PCDHA1: variants seen among roughly 807,000 people sequenced by gnomAD.
PCDHA1 encodes the protein protocadherin alpha-1.
A neutral mutation model predicts 61.3 loss-of-function variants in PCDHA1; 42 were observed. The ratio of observed to expected loss-of-function variants is 0.69; its 90% CI spans 0.54 to 0.89. The LOEUF is 0.89. Among genes scored for constraint, PCDHA1 ranks in the 40% least tolerant of loss-of-function variants. The pLI is 0.00. For missense variants in PCDHA1, 1,256 were observed against 1,235.3 expected (o/e 1.02, Z -0.25); for synonymous variants, 610 against 553.8 (o/e 1.10, Z -1.43).
chr5:140,968,077 C>A lies in PCDHA1; in HGVS notation c.2395-10872C>A, dbSNP rs1274008262. 2.5e-6 allele frequency: 4 copies of A among 1,614,020 alleles called. No homozygotes were observed. In the African/African-American group the frequency reaches 4.0e-5, roughly 16 times the overall value. On this transcript the variant is annotated intron_variant, in intron 1 of 3. Coordinates refer to ENST00000504120, the MANE Select transcript of PCDHA1 (RefSeq NM_018900.4). ...GAGAGCGGGTGGCTGTCTACAACAT[C>A]ACGGTGACAGCCACAGATGGGGGAA...
intron 1 of PCDHA1, chr5:140,795,806 T>C (rs1761997096): frequency 6.2e-7 from 1 of 1,613,768 alleles, no homozygotes; most frequent in South Asian, 1.1e-5. Context: ...GTGTATTCAC[T>C]CGGTAGTGAT....
At chr5:140,918,129 T>C (rs1299993749) in intron 1 of PCDHA1, among the ~76,000 whole-genome samples, 2 of 152,198 alleles carry the variant, frequency 1.3e-5, no homozygotes, top group African/African-American at 2.4e-5. Flanking sequence ...GCCATATTCC[T>C]AGGTATTTTC....
chr5:140,817,516 T>C (rs1343566593), intron 1 of PCDHA1: 2 of 152,260 alleles, frequency 1.3e-5, no homozygotes, highest in Admixed American at 6.5e-5. Context: ...AATTATTTTA[T>C]TGATTTCCTC....
chr5:140,830,545 C>T (rs2150187655), intron 1 of PCDHA1: 5 of 1,153,740 alleles, frequency 4.3e-6, no homozygotes, highest in Non-Finnish European at 5.9e-6. Flanking sequence ...TTGTTTTCCT[C>T]ATATTTGTCT....
intron 1 of PCDHA1, among the ~76,000 whole-genome samples, chr5:140,965,342 G>T (rs2095891598): frequency 6.6e-6 from 1 of 152,130 alleles, no homozygotes; most frequent in South Asian, 2.1e-4. Context: ...TTGTCTCTGT[G>T]TTGCCTCTAT....
intron 1 of PCDHA1, among the ~76,000 whole-genome samples, chr5:140,972,550 A>G (rs534377572): frequency 6.6e-6 from 1 of 152,114 alleles, no homozygotes; most frequent in Admixed American, 6.5e-5. Context: ...TGCAGTGAGG[A>G]TTCTGAAGTA....
At chr5:140,993,460 T>TCCCACA (rs1554253699) in intron 3 of PCDHA1, among the ~76,000 whole-genome samples, 8 of 104,506 alleles carry the variant, frequency 7.7e-5, no homozygotes, top group African/African-American at 3.1e-4. Context: ...CTTCTTTCTT[T>TCCCACA]CTCACACACA....
intron 1 of PCDHA1, chr5:140,927,763 G>C (rs1554205034): frequency 6.2e-7 from 1 of 1,614,198 alleles, no homozygotes; most frequent in African/African-American, 1.3e-5. Context: ...CCCTAAAAGT[G>C]GGGAGGTGCA....
chr5:140,888,640 A>G (rs2153424746), intron 1 of PCDHA1, among the ~76,000 whole-genome samples: 1 of 152,282 alleles, frequency 6.6e-6, no homozygotes, highest in East Asian at 1.9e-4. Context: ...TTACAGCAAT[A>G]CTTTCCTGAG....
intron 1 of PCDHA1, chr5:140,834,412 G>A (rs2150217251): frequency 3.1e-6 from 5 of 1,611,044 alleles, no homozygotes; most frequent in Non-Finnish European, 4.2e-6. Context: ...TACGACCCAG[G>A]GGGCCGACAT....
chr5:140,930,411 A>C (rs1554207797), intron 1 of PCDHA1: 2 of 149,218 alleles, frequency 1.3e-5, no homozygotes, highest in African/African-American at 2.5e-5. Context: ...TTTTTGAGAC[A>C]GGGGTCTCAC....
intron 3 of PCDHA1, among the ~76,000 whole-genome samples, chr5:140,999,367 C>T (rs1229497053): frequency 4.6e-5 from 7 of 152,100 alleles, no homozygotes; most frequent in African/African-American, 1.7e-4. Flanking sequence ...TTCACAATCC[C>T]ATTAGATGGT....
At position 140,849,922 on chromosome 5, in the gene PCDHA1, C is replaced by A. The variant is rs140735832; in HGVS notation, c.2394+61238C>A. The stretch of plus-strand genomic sequence containing the variant: ...AACCCGCCGGGCTGCCACATCTTCA[C>A]GGTGTCTGCGCGGGACGCTGACGCG... On this transcript the variant is annotated intron_variant, in intron 1 of 3. Transcript: ENST00000504120. 10 of 1,598,214 alleles carry A rather than the reference C, an allele frequency of 6.3e-6. 1 individual carries two copies. In the South Asian group the frequency reaches 9.9e-5, roughly 16 times the overall value.
chr5:140,935,318 T>A (rs1554210460), intron 1 of PCDHA1, among the ~76,000 whole-genome samples: 1 of 152,194 alleles, frequency 6.6e-6, no homozygotes, highest in African/African-American at 2.4e-5. Flanking sequence ...TTCATCAATC[T>A]TACATTCCTA....
At position 140,848,676 on chromosome 5, in the gene PCDHA1, C is replaced by A. The variant is rs2150416820; in HGVS notation, c.2394+59992C>A. 8.2e-6 allele frequency: 13 copies of A among 1,592,292 alleles called. 1 individual carries two copies. The African/African-American group carries it at 1.1e-4, about 13-fold the overall frequency. ...GGGGCTGGAGCTGGCGGAGCTGGTG[C>A]CGCGCCTGTTCCAGTTGGATTCCAA... On this transcript the variant is annotated intron_variant, in intron 1 of 3. Transcript: ENST00000504120.
chr5:141,007,671 A>G (rs1161141271), intron 3 of PCDHA1, among the ~76,000 whole-genome samples: 1 of 152,184 alleles, frequency 6.6e-6, no homozygotes, highest in African/African-American at 2.4e-5. Context: ...TTACAAAGAC[A>G]AAAGTTATCC....
chr5:140,823,492 G>C (rs886912020), intron 1 of PCDHA1: 1 of 1,613,280 alleles, frequency 6.2e-7, no homozygotes, highest in African/African-American at 1.3e-5. Flanking sequence ...GGGTGGCACC[G>C]GCGGCGCAGT....
chr5:140,869,903 C>G, intron 1 of PCDHA1: 1 of 1,610,648 alleles, frequency 6.2e-7, no homozygotes. Flanking sequence ...CTAAACGCCA[C>G]AGACCGAGAC....
At chr5:141,001,705 G>A (rs2098033380) in intron 3 of PCDHA1, among the ~76,000 whole-genome samples, 1 of 152,194 alleles carries the variant, frequency 6.6e-6, no homozygotes, top group African/African-American at 2.4e-5. Context: ...GAAATAGGGG[G>A]CGGGGAAGGA....
Sources: allele counts gnomAD v4.1 joint callset (sites outside exome capture counted in the v4.1 genomes callset), GRCh38; gene constraint gnomAD v4.1.1; transcripts MANE v1.5; gene names NCBI Gene and HGNC (gene_info 2026-07-23, HGNC 2026-07-21).